PALLD: variants seen among roughly 807,000 people sequenced by gnomAD.
PALLD encodes palladin.
Under a neutral mutation model 123.5 loss-of-function variants are expected in PALLD, and 61 were observed. The ratio of observed to expected loss-of-function variants is 0.49; its 90% confidence interval spans 0.40 to 0.61. The LOEUF (loss-of-function observed/expected upper bound fraction) is 0.61. Ranked by LOEUF, PALLD falls within the 20% of genes least tolerant of loss-of-function variation. PALLD has a pLI of 0.00. For missense variants in PALLD, 1,273 were observed against 1,377.0 expected (o/e 0.92, Z 1.20); for synonymous variants, 465 against 496.4 (o/e 0.94, Z 0.84).
rs146555180 is a variant in PALLD at position 168,804,893 on chromosome 4, G to C, written c.1965-86029G>C. ...TCCCAAAGCGAGGCCGGGTGTGGTG[G>C]CTCACACCTGTAATCCCAACAGTTT... On this transcript the variant is annotated intron_variant, in intron 10 of 21. Coordinates refer to ENST00000505667, the MANE Select transcript of PALLD (RefSeq NM_001166108.2). Among the ~76,000 whole-genome samples, 263 of 152,136 alleles carry C rather than the reference G, an allele frequency of 1.7e-3. 1 individual carries two copies. Among genetic ancestry groups the C allele is most frequent in the African/African-American group, 5.9e-3 (245 of 41,490 alleles).
chr4:168,891,291 T>C (rs1316663933), intron 11 of PALLD, among the ~76,000 whole-genome samples: 1 of 152,124 alleles, frequency 6.6e-6, no homozygotes, highest in African/African-American at 2.4e-5. Flanking sequence ...ACCTCCTGGG[T>C]AGCTGGAACC....
chr4:168,629,165 C>T (rs1462966375), intron 2 of PALLD, among the ~76,000 whole-genome samples: 2 of 151,844 alleles, frequency 1.3e-5, no homozygotes, highest in African/African-American at 2.4e-5. Context: ...TACAGGTGCC[C>T]GTTGCCATGC....
At chr4:168,835,301 G>A (rs949597511) in intron 10 of PALLD, among the ~76,000 whole-genome samples, 2 of 152,102 alleles carry the variant, frequency 1.3e-5, no homozygotes, top group Non-Finnish European at 1.5e-5. Context: ...TCTTCTACAA[G>A]TAAATGGGGA....
chr4:168,768,567 T>A (rs549767587), intron 10 of PALLD, among the ~76,000 whole-genome samples: 55 of 152,386 alleles, frequency 3.6e-4, no homozygotes, highest in African/African-American at 1.3e-3. Context: ...TTATTAAAAT[T>A]GTTTTTATTC....
intron 10 of PALLD, among the ~76,000 whole-genome samples, chr4:168,794,641 G>A (rs778051709): frequency 1.6e-4 from 25 of 152,036 alleles, no homozygotes; most frequent in Non-Finnish European, 3.1e-4. Context: ...CTACACGTCC[G>A]TCTTTTAGCC....
intron 10 of PALLD, among the ~76,000 whole-genome samples, chr4:168,795,710 C>CT (rs10632080): frequency 0.029 from 4,182 of 144,740 alleles, 198 homozygotes; most frequent in African/African-American, 0.096. Flanking sequence ...CCCTAATTGT[C>CT]TTTTTTTTTT....
chr4:168,561,492 C>T (rs548732442), intron 2 of PALLD, among the ~76,000 whole-genome samples: 3 of 152,072 alleles, frequency 2.0e-5, no homozygotes, highest in African/African-American at 7.2e-5. Flanking sequence ...CTTGGCTGAT[C>T]GTGAACTCCT....
chr4:168,594,826 C>G (rs1325578951), intron 2 of PALLD, among the ~76,000 whole-genome samples: 1 of 151,884 alleles, frequency 6.6e-6, no homozygotes, highest in Non-Finnish European at 1.5e-5. Context: ...TATTTTACAC[C>G]CATAGTATAT....
chr4:168,797,467 C>G (rs1352051726), intron 10 of PALLD, among the ~76,000 whole-genome samples: 1 of 152,016 alleles, frequency 6.6e-6, no homozygotes, highest in African/African-American at 2.4e-5. Flanking sequence ...TATCAGATCA[C>G]CCTCAATTAC....
intron 2 of PALLD, among the ~76,000 whole-genome samples, chr4:168,571,568 T>A (rs768183718): frequency 6.6e-6 from 1 of 152,164 alleles, no homozygotes; most frequent in Non-Finnish European, 1.5e-5. Flanking sequence ...TCCAGTTGAC[T>A]CCCAAAATGT....
chr4:168,563,674 A>G (rs1000729966), intron 2 of PALLD, among the ~76,000 whole-genome samples: 2 of 152,128 alleles, frequency 1.3e-5, no homozygotes, highest in Non-Finnish European at 2.9e-5. Context: ...TTCCCTATTT[A>G]TATATATAAT....
In PALLD at chr4:168,891,073, G is replaced by T; in HGVS notation, c.2100+16G>T. The T allele has an allele frequency of 6.2e-7, 1 of 1,613,812 alleles. No individual in the cohort carries two copies. The highest frequency in any genetic ancestry group is 1.1e-5 in the South Asian group (1 of 91,062). Reference sequence around the variant, plus strand: ...TGGCCAGCCGGTACTGATAGATTTGGGACCTGGACTTGGAATGTTAGCTAC... The same window carrying T: ...TGGCCAGCCGGTACTGATAGATTTGTGACCTGGACTTGGAATGTTAGCTAC... On this transcript the variant is annotated intron_variant, in intron 11 of 21. Transcript: ENST00000505667.
At chr4:168,583,868 C>T (rs1204548963) in intron 2 of PALLD, among the ~76,000 whole-genome samples, 1 of 152,080 alleles carries the variant, frequency 6.6e-6, no homozygotes, top group African/African-American at 2.4e-5. Flanking sequence ...TTCTTTCTTC[C>T]AACCTTCCAA....
At chr4:168,763,686 G>C (rs1733265137) in intron 10 of PALLD, among the ~76,000 whole-genome samples, 1 of 152,112 alleles carries the variant, frequency 6.6e-6, no homozygotes, top group Non-Finnish European at 1.5e-5. Flanking sequence ...AGAACCTCAG[G>C]GCTGCTCTGG....
chr4:168,747,320 C>T lies in PALLD; in HGVS notation c.1964+35397C>T, dbSNP rs1652787882. Among the ~76,000 whole-genome samples the T allele has an allele frequency of 2.0e-5, 3 of 152,206 alleles. No individual in the cohort carries two copies. In the South Asian group the frequency reaches 6.2e-4, roughly 31 times the overall value. On this transcript the variant is annotated intron_variant, in intron 10 of 21. Transcript: ENST00000505667. ...TGAGGCAGTAGGCAAGGAAGTCCAACCTGCAGGCTAAGAGTCAGTTTTCAC... is the reference window on the plus strand; with the variant it reads ...TGAGGCAGTAGGCAAGGAAGTCCAATCTGCAGGCTAAGAGTCAGTTTTCAC...
At chr4:168,823,918 T>C (rs1270227124) in intron 10 of PALLD, among the ~76,000 whole-genome samples, 1 of 152,240 alleles carries the variant, frequency 6.6e-6, no homozygotes, top group Non-Finnish European at 1.5e-5. Context: ...TATTCATTGC[T>C]ACACAAAGCT....
chr4:168,736,205 T>G (rs921192727), intron 10 of PALLD, among the ~76,000 whole-genome samples: 1 of 152,232 alleles, frequency 6.6e-6, no homozygotes, highest in East Asian at 1.9e-4. Context: ...AAACAAAGTG[T>G]TTGCACTGAT....
In PALLD at chr4:168,502,878, C is replaced by T. The variant is rs185733208; in HGVS notation, c.-83+5684C>T. ...ATGATCATGCCATTGCAGTCCAGGC[C>T]GGGAGACAGAATGAGACCCTCACTC... is the stretch of plus-strand genomic sequence containing the variant. On this transcript the variant is annotated intron_variant, in intron 1 of 21. Transcript: ENST00000505667. 3.3e-3 allele frequency among the ~76,000 whole-genome samples: 502 copies of T among 152,184 alleles called. 12 individuals are homozygous for T. The highest frequency in any genetic ancestry group is 1.2e-3 in the Non-Finnish European group (82 of 68,006).
chr4:168,910,572 A>AT lies in PALLD; in HGVS notation c.2623-3352dup, dbSNP rs942366935. ...TATATCCATAGTGAGTGCTACAATA[A>AT]TTTAACATTTTGAGCATTGGCTTCA... is the stretch of plus-strand genomic sequence containing the variant. On this transcript the variant is annotated intron_variant, in intron 15 of 21. Transcript: ENST00000505667. 8.0e-4 allele frequency among the ~76,000 whole-genome samples: 122 copies of AT among 152,348 alleles called. 1 individual carries two copies. The highest frequency in any genetic ancestry group is 2.7e-3 in the African/African-American group (112 of 41,576).
Sources: gnomAD v4.1 joint callset for allele counts (sites outside exome capture counted in the v4.1 genomes callset) on GRCh38, gnomAD v4.1.1 for gene constraint, MANE v1.5 for transcripts, NCBI Gene and HGNC (gene_info 2026-07-23, HGNC 2026-07-21) for gene names.